IMPDH1: variants seen among roughly 807,000 people sequenced by gnomAD.
IMPDH1 encodes inosine monophosphate dehydrogenase 1, also known as inosine-5'-monophosphate dehydrogenase 1.
In IMPDH1, 41 loss-of-function variants were observed where a neutral mutation model predicts 73.5. The ratio of observed to expected loss-of-function variants is 0.56; its 90% CI spans 0.43 to 0.72. The LOEUF (loss-of-function observed/expected upper bound fraction) is 0.72, where lower values mean the gene tolerates loss of function less well. Among genes scored for constraint, IMPDH1 ranks in the 30% least tolerant of loss-of-function variants. IMPDH1 has a pLI of 0.00. For missense variants in IMPDH1, 645 were observed against 824.8 expected (o/e 0.78, Z 2.67); for synonymous variants, 318 against 334.3 (o/e 0.95, Z 0.53).
rs755147158 is a variant in IMPDH1, at chr7:128,395,286, T to C, written c.1262-12A>G. On this transcript the variant is annotated splice_polypyrimidine_tract_variant and intron_variant, in intron 12 of 16. Coordinates refer to ENST00000338791, the MANE Select transcript of IMPDH1 (RefSeq NM_000883.4). ...ACCACAGGCCATCACTGGGGGAGGG[T>C]GGGGTGCACAAGGCAGAGAAGAGTC... is the stretch of plus-strand genomic sequence containing the variant. 4 of 1,612,122 alleles carry C rather than the reference T, an allele frequency of 2.5e-6. No homozygotes were observed. Among genetic ancestry groups the C allele is most frequent in the Admixed American group, 3.3e-5 (2 of 59,970 alleles).
chr7:128,404,278 G>C (rs1397701497), intron 4 of IMPDH1, among the ~76,000 whole-genome samples: 1 of 152,184 alleles, frequency 6.6e-6, no homozygotes, highest in Non-Finnish European at 1.5e-5. Context: ...ACCCCAGGGG[G>C]CTGAGTGCAG....
intron 16 of IMPDH1, 23 bp from the exon 17 acceptor site, chr7:128,393,051 G>C: frequency 1.2e-6 from 2 of 1,613,810 alleles, no homozygotes; most frequent in South Asian, 2.2e-5. Context: ...GGCAAGAGGG[G>C]GAACAAGAGT....
chr7:128,394,789 C>T lies in IMPDH1; in HGVS notation c.1550+100G>A. 5 of 1,497,220 alleles carry T rather than the reference C, an allele frequency of 3.3e-6. No homozygotes were observed. In the South Asian group the frequency reaches 5.7e-5, roughly 17 times the overall value. 92.7% of individuals were successfully genotyped at this position (1,497,220 alleles called of 1,614,324 possible). On this transcript the variant is annotated intron_variant, in intron 14 of 16. Transcript: ENST00000338791. This position sits in a 1 kb window ranked among gnomAD's most constrained non-coding sequence, Gnocchi z 5.5. ...CCCTGTGCCTCAGTTTCCAGAACCA[C>T]CATATGGGGACTGGCTGCCATCTGG...
At chr7:128,405,740 C>T in intron 4 of IMPDH1, 27 bp downstream of exon 4, 1 of 1,525,854 alleles carries the variant, frequency 6.6e-7, no homozygotes, top group East Asian at 2.6e-5. Flanking sequence ...GATGCGCGCA[C>T]CTAGGGGTAC....
intron 4 of IMPDH1, among the ~76,000 whole-genome samples, 199 bp downstream of exon 4, chr7:128,405,568 T>C (rs1270696894): frequency 6.6e-6 from 1 of 152,126 alleles, no homozygotes; most frequent in East Asian, 1.9e-4. Flanking sequence ...GGGTCAGGGC[T>C]CTGAGGGCCG....
rs1797771457 is a variant in IMPDH1, at chr7:128,394,545, T to C, written c.1605A>G (p.Lys535=). 3.7e-6 allele frequency: 6 copies of C among 1,613,940 alleles called. No homozygotes were observed. The highest frequency in any genetic ancestry group is 5.1e-6 in the Non-Finnish European group (6 of 1,179,970). Residue 535 remains lysine, a synonymous_variant, in exon 15 of 17, where the codon AAA becomes AAG. Coordinates refer to ENST00000338791, the MANE Select transcript of IMPDH1 (RefSeq NM_000883.4). This position sits in a 1 kb window ranked among gnomAD's most constrained non-coding sequence, Gnocchi z 5.5. ...AGGGCACGAACTTCTGAATGGATCC[T>C]TTGTCCTGGATGGAGCCCGAGACAC... ...AQGVSGSIQD[K]GSIQKFVPYL... is the part of the protein sequence containing the mutation.
chr7:128,405,741 C>T, intron 4 of IMPDH1, 26 bp downstream of exon 4: 1 of 1,526,254 alleles, frequency 6.6e-7, no homozygotes. Context: ...ATGCGCGCAC[C>T]TAGGGGTACG....
At position 128,398,384 on chromosome 7, in the gene IMPDH1, TCTCCCCCACCACTCAGGCGGGGGC is replaced by T; in HGVS notation, c.1074+6_1074+29del. On this transcript the variant is annotated splice_donor_region_variant and intron_variant, in intron 10 of 16. Coordinates refer to ENST00000338791, the MANE Select transcript of IMPDH1 (RefSeq NM_000883.4). The surrounding 1 kb of genome is among the most constrained non-coding windows in gnomAD (Gnocchi z 4.3). ...TCCACTCTGCTGAACCACTCATCCA[TCTCCCCCACCACTCAGGCGGGGGC>T]CTTACCAAGACTATGACGTCGACGC... 1.9e-6 allele frequency: 3 copies of T among 1,593,556 alleles called. No homozygotes were observed. The South Asian group carries it at 3.3e-5, about 18-fold the overall frequency.
At position 128,409,371 on chromosome 7, in the gene IMPDH1, G is replaced by A; in HGVS notation, c.191-19C>T. 2.5e-6 allele frequency: 4 copies of A among 1,614,224 alleles called. No individual in the cohort carries two copies. The highest frequency in any genetic ancestry group is 3.4e-6 in the Non-Finnish European group (4 of 1,180,018). The stretch of plus-strand genomic sequence containing the variant: ...GATAGTTCTAGGAGGAAACAGCTAA[G>A]GAGGGGTAAGCCAAGTCAGTCGGAC... On this transcript the variant is annotated intron_variant, in intron 2 of 16. Coordinates refer to ENST00000338791, the MANE Select transcript of IMPDH1 (RefSeq NM_000883.4).
Position 128,400,419 on chromosome 7 carries a change from T to C in IMPDH1, c.700A>G (p.Thr234Ala). 1 of 1,612,418 alleles carries C rather than the reference T, an allele frequency of 6.2e-7. No homozygotes were observed. The highest frequency in any genetic ancestry group is 8.5e-7 in the Non-Finnish European group (1 of 1,179,864). ...FSGIPITETGTMGSKLVGIVT... is the reference protein window; with the variant it reads ...FSGIPITETGAMGSKLVGIVT... Reference sequence around the variant, plus strand: ...ATGCCCACCAGCTTGCTGCCCATGGTGCCCGTCTCAGTGATGGGGATGCCA... The same window carrying C: ...ATGCCCACCAGCTTGCTGCCCATGGCGCCCGTCTCAGTGATGGGGATGCCA... Residue 234 changes from threonine to alanine, a missense_variant, in exon 8 of 17, where the codon ACC becomes GCC. Coordinates refer to ENST00000338791, the MANE Select transcript of IMPDH1 (RefSeq NM_000883.4).
intron 5 of IMPDH1, among the ~76,000 whole-genome samples, chr7:128,402,113 T>C (rs117200650): frequency 0.034 from 5,172 of 151,960 alleles, 216 homozygotes; most frequent in East Asian, 0.21. Context: ...TTTTTTTTTT[T>C]TCTCTCTCTG....
intron 16 of IMPDH1, 21 bp from the exon 17 acceptor site, chr7:128,393,049 G>C (rs1797640962): frequency 6.2e-7 from 1 of 1,613,698 alleles, no homozygotes. Context: ...AAGGCAAGAG[G>C]GGGAACAAGA....
chr7:128,395,944 G>A (rs76268380), intron 12 of IMPDH1, among the ~76,000 whole-genome samples: 1 of 152,196 alleles, frequency 6.6e-6, no homozygotes, highest in Non-Finnish European at 1.5e-5. Context: ...AGGACCAAAA[G>A]GGGGAGCTGT....
intron 13 of IMPDH1, 40 bp from the exon 14 acceptor site, chr7:128,395,073 G>A (rs751361373): frequency 1.2e-6 from 2 of 1,613,292 alleles, no homozygotes; most frequent in South Asian, 1.1e-5. Flanking sequence ...GCCCACTAGT[G>A]CCACCCCCCC....
At chr7:128,409,631 G>C in intron 1 of IMPDH1, 125 bp downstream of exon 1, 3 of 1,506,080 alleles carry the variant, frequency 2.0e-6, no homozygotes, top group Non-Finnish European at 2.7e-6. Flanking sequence ...AGGCTGAGGC[G>C]GTAATAGGGG....
rs1288795504 is a variant in IMPDH1 at position 128,405,910 on chromosome 7, C to CCCGCCGCTG, written c.255-54_255-46dup. 1,861 of 1,470,644 alleles carry CCCGCCGCTG rather than the reference C, an allele frequency of 1.3e-3. 3 individuals are homozygous for CCCGCCGCTG. Among genetic ancestry groups the CCCGCCGCTG allele is most frequent in the Non-Finnish European group, 1.6e-3 (1,756 of 1,110,256 alleles). The allele number at this position is 1,470,644 out of a possible 1,614,324, so 91.1% of individuals were successfully genotyped here. On this transcript the variant is annotated intron_variant, in intron 3 of 16. Transcript: ENST00000338791. ...CCCGACATAAACACCCGCGCGGCCG[C>CCCGCCGCTG]CCGCCGCTGCCGCCGCTGCTGCTGC...
intron 12 of IMPDH1, among the ~76,000 whole-genome samples, chr7:128,396,000 T>C (rs560669685): frequency 5.9e-5 from 9 of 152,086 alleles, no homozygotes; most frequent in Non-Finnish European, 1.2e-4. Context: ...TTTGGAGAAA[T>C]TGCCCTCACA....
intron 16 of IMPDH1, among the ~76,000 whole-genome samples, chr7:128,393,255 C>A (rs1394899143): frequency 1.3e-5 from 2 of 152,222 alleles, no homozygotes; most frequent in Non-Finnish European, 2.9e-5. Context: ...GATGGCCATG[C>A]TCCTTTGGGC....
Position 128,409,842 on chromosome 7 carries a change from C to A in IMPDH1, c.60G>T (p.Glu20Asp). The part of the protein sequence containing the change: ...LQGGGAAAVP[E>D]PGARQHPGHE... ...GTCCCGGGTGTTGCCGGGCTCCGGGCTCCGGAACAGCGGCGGCTCCGCCTC... is the reference window on the plus strand; with the variant it reads ...GTCCCGGGTGTTGCCGGGCTCCGGGATCCGGAACAGCGGCGGCTCCGCCTC... The change falls in exon 1 of 17, where the codon GAG becomes GAT. Residue 20 changes from glutamate (E) to aspartate (D), a missense_variant. Transcript: ENST00000338791. The A allele has an allele frequency of 6.7e-7, 1 of 1,494,868 alleles. No individual in the cohort carries two copies. Among genetic ancestry groups the A allele is most frequent in the Non-Finnish European group, 8.9e-7 (1 of 1,129,248 alleles). The allele number at this position is 1,494,868 out of a possible 1,614,324, so 92.6% of individuals were successfully genotyped here. A position where few individuals can be genotyped will look rare whatever the true frequency, so the allele number is the denominator to read the frequency against.
Sources: allele counts gnomAD v4.1 joint callset (sites outside exome capture counted in the v4.1 genomes callset), GRCh38; gene constraint gnomAD v4.1.1; non-coding constraint Gnocchi (gnomAD v3.1); transcripts MANE v1.5; gene names NCBI Gene and HGNC (gene_info 2026-07-23, HGNC 2026-07-21).